The following PDE2A variants were observed in gnomAD, a reference collection of about 807,000 sequenced individuals.
PDE2A encodes the protein cGMP-dependent 3',5'-cyclic phosphodiesterase.
A neutral mutation model predicts 133.6 loss-of-function variants in PDE2A; 53 were observed. The observed-to-expected ratio is 0.40, with a 90% CI of 0.32 to 0.50. The LOEUF (loss-of-function observed/expected upper bound fraction) is 0.50. Ranked by LOEUF, PDE2A falls within the 20% of genes least tolerant of loss-of-function variation. PDE2A has a pLI of 0.73. For missense variants in PDE2A, 796 were observed against 1,232.4 expected, an observed-to-expected ratio of 0.65 and a Z score of 5.30; for synonymous variants, 491 against 490.2, an observed-to-expected ratio of 1.00 and a Z score of -0.02.
At chr11:72,589,867 C>T in intron 10 of PDE2A, 40 bp downstream of exon 10, 1 of 1,608,918 alleles carries the variant, frequency 6.2e-7, no homozygotes, top group Non-Finnish European at 8.5e-7. Context: ...AGTTCCTCGC[C>T]CAGCCCCGCC....
intron 1 of PDE2A, among the ~76,000 whole-genome samples, chr11:72,669,546 C>T (rs1222850746): frequency 6.6e-6 from 1 of 152,080 alleles, no homozygotes; most frequent in Non-Finnish European, 1.5e-5. Context: ...CCCAGGAGGA[C>T]GAGGGTGCTG....
chr11:72,626,734 C>G (rs1858097374), intron 2 of PDE2A, among the ~76,000 whole-genome samples: 1 of 152,228 alleles, frequency 6.6e-6, no homozygotes, highest in Non-Finnish European at 1.5e-5. Flanking sequence ...GCTCCCGCCC[C>G]TGCCTAGTGC....
chr11:72,632,270 T>A (rs1237853344), intron 2 of PDE2A, among the ~76,000 whole-genome samples: 1 of 152,128 alleles, frequency 6.6e-6, no homozygotes, highest in East Asian at 1.9e-4. Flanking sequence ...ACCTGGTGTG[T>A]GGAGGCTTGT....
Position 72,589,802 on chromosome 11 carries a change from G to C in PDE2A, c.832-10C>G, listed in dbSNP as rs1011241600. Reference sequence around the variant, plus strand: ...CTTTGTCTCCGATGACCTGAGGAACGGAGTGCAGGGGGCTGGTTAAAGGAA... The same window carrying C: ...CTTTGTCTCCGATGACCTGAGGAACCGAGTGCAGGGGGCTGGTTAAAGGAA... On this transcript the variant is annotated splice_polypyrimidine_tract_variant and intron_variant, in intron 10 of 30. Transcript: ENST00000334456. 2.5e-6 allele frequency: 4 copies of C among 1,613,422 alleles called. No homozygotes were observed. Among genetic ancestry groups the C allele is most frequent in the Non-Finnish European group, 8.5e-7 (1 of 1,179,772 alleles).
At chr11:72,656,457 T>A (rs1380145517) in intron 1 of PDE2A, among the ~76,000 whole-genome samples, 2 of 151,530 alleles carry the variant, frequency 1.3e-5, no homozygotes, top group Non-Finnish European at 2.9e-5. Context: ...GAGCACAGAG[T>A]CTGGGCTGGG....
At chr11:72,624,573 CCA>C (rs1435840783) in intron 2 of PDE2A, among the ~76,000 whole-genome samples, 1 of 152,210 alleles carries the variant, frequency 6.6e-6, no homozygotes, top group East Asian at 1.9e-4. Flanking sequence ...GACACTCGAG[CCA>C]CAGACTCAGG....
chr11:72,655,725 A>C (rs1276497349), intron 1 of PDE2A, among the ~76,000 whole-genome samples: 1 of 151,908 alleles, frequency 6.6e-6, no homozygotes, highest in African/African-American at 2.4e-5. Context: ...GCTCTGCAAC[A>C]ATACTTGCCA....
intron 1 of PDE2A, among the ~76,000 whole-genome samples, chr11:72,663,648 G>T (rs1434977521): frequency 6.7e-6 from 1 of 150,180 alleles, no homozygotes; most frequent in Non-Finnish European, 1.5e-5. Flanking sequence ...ACAATCACTT[G>T]AACCCAGGAG....
intron 1 of PDE2A, chr11:72,642,838 G>T (rs1456256203): frequency 2.0e-5 from 3 of 152,986 alleles, no homozygotes; most frequent in African/African-American, 7.2e-5. Flanking sequence ...GGGGAAGGGG[G>T]GCAGGGGCCG....
intron 1 of PDE2A, among the ~76,000 whole-genome samples, chr11:72,663,742 A>G (rs1855147041): frequency 2.7e-5 from 4 of 145,724 alleles, no homozygotes. Flanking sequence ...AAAAAAAAAA[A>G]GAAAGAAAAA....
intron 11 of PDE2A, 43 bp downstream of exon 11, chr11:72,589,708 C>T: frequency 6.3e-7 from 1 of 1,593,004 alleles, no homozygotes; most frequent in Non-Finnish European, 8.6e-7. Flanking sequence ...CCGGCCTCAA[C>T]CGCCCCTGCA....
rs1432761173 is a variant in PDE2A at position 72,578,564 on chromosome 11, C to T, written c.2470-50G>A. 2.7e-6 allele frequency: 4 copies of T among 1,490,784 alleles called. No homozygotes were observed. The highest frequency in any genetic ancestry group is 3.3e-5 in the Admixed American group (2 of 59,808). 92.3% of individuals were successfully genotyped at this position (1,490,784 alleles called of 1,614,324 possible). On this transcript the variant is annotated intron_variant, in intron 28 of 30. Transcript: ENST00000334456. The surrounding 1 kb of genome is among the most constrained non-coding windows in gnomAD (Gnocchi z 4.2). ...ATCCTCTATGTAGGATACATCCACCCAAGCTCCTCTGACAGCCCGTTCCCA... is the reference window on the plus strand; with the variant it reads ...ATCCTCTATGTAGGATACATCCACCTAAGCTCCTCTGACAGCCCGTTCCCA...
In PDE2A at chr11:72,590,154, A is replaced by G; in HGVS notation, c.756+38T>C. ...GGGAAGTTGGTCCCCGGAGGGAGAC[A>G]GGACGGGGAGGTGGCCGGCAGGGGC... On this transcript the variant is annotated intron_variant, in intron 9 of 30. Transcript: ENST00000334456. The surrounding 1 kb of genome is among the most constrained non-coding windows in gnomAD (Gnocchi z 4.8). 6.6e-7 allele frequency: 1 copy of G among 1,526,006 alleles called. No individual in the cohort carries two copies. Among genetic ancestry groups the G allele is most frequent in the Non-Finnish European group, 8.9e-7 (1 of 1,125,702 alleles). The allele number at this position is 1,526,006 out of a possible 1,614,324, so 94.5% of individuals were successfully genotyped here.
At chr11:72,603,046 G>C (rs1259719804) in intron 4 of PDE2A, among the ~76,000 whole-genome samples, 1 of 152,232 alleles carries the variant, frequency 6.6e-6, no homozygotes, top group Non-Finnish European at 1.5e-5. Flanking sequence ...GGTAGCAGCT[G>C]AGCCTGGCAA....
intron 4 of PDE2A, among the ~76,000 whole-genome samples, chr11:72,602,856 T>C (rs1856817851): frequency 6.6e-6 from 1 of 152,208 alleles, no homozygotes; most frequent in Admixed American, 6.5e-5. Context: ...TCCATACACC[T>C]GGGTCTCAAG....
intron 1 of PDE2A, among the ~76,000 whole-genome samples, chr11:72,651,194 T>C (rs747829235): frequency 2.0e-5 from 3 of 152,214 alleles, no homozygotes; most frequent in Non-Finnish European, 4.4e-5. Context: ...GTCTTGAGAA[T>C]GTAGAAGCCC....
chr11:72,581,833 G>A lies in PDE2A; in HGVS notation c.1922+44C>T, dbSNP rs142974840. ...GGGGGCAACGGATGTGACAGTAGAG[G>A]AAAGAGGGAGGCGAAGACTGGGGCT... On this transcript the variant is annotated intron_variant, in intron 22 of 30. Coordinates refer to ENST00000334456, the MANE Select transcript of PDE2A (RefSeq NM_002599.5). The A allele has an allele frequency of 2.3e-3, 3,595 of 1,569,644 alleles. 74 individuals are homozygous for A. The African/African-American group carries it at 0.043, about 19-fold the overall frequency.
At position 72,581,878 on chromosome 11, in the gene PDE2A, G is replaced by A. The variant is rs1448683527; in HGVS notation, c.1921C>T (p.Arg641Trp). The A allele has an allele frequency of 5.0e-6, 8 of 1,613,594 alleles. No individual in the cohort carries two copies. Among genetic ancestry groups the A allele is most frequent in the African/African-American group, 4.0e-5 (3 of 74,898 alleles). The change falls in exon 22 of 31, where the codon CGG (arginine) becomes TGG (tryptophan). Residue 641 changes from arginine to tryptophan, a missense_variant and splice_region_variant. This residue lies in a region of PDE2A where 218 missense variants were observed against 465.9 expected (regional missense o/e 0.47). Transcript: ENST00000334456. ...NYKIDCPTLA[R>W]FCLMVKKGYR... ...GGGGCTGTCTGTGGGCGCACGAACC[G>A]GGCCAGGGTCGGGCAGTCAATTTTG... is the stretch of plus-strand genomic sequence containing the variant.
In PDE2A at chr11:72,579,396, C is replaced by T; in HGVS notation, c.2257-13G>A. 1 of 1,608,980 alleles carries T rather than the reference C, an allele frequency of 6.2e-7. No homozygotes were observed. The highest frequency in any genetic ancestry group is 8.5e-7 in the Non-Finnish European group (1 of 1,175,976). On this transcript the variant is annotated splice_polypyrimidine_tract_variant and intron_variant, in intron 26 of 30. Transcript: ENST00000334456. Reference sequence around the variant, plus strand: ...TGCGCTGATAGTCCTGAGGCGAGGGCAGGGGTGTCATGCCCTCCTACTGGA... The same window carrying T: ...TGCGCTGATAGTCCTGAGGCGAGGGTAGGGGTGTCATGCCCTCCTACTGGA...
Sources: gnomAD v4.1 joint callset for allele counts (sites outside exome capture counted in the v4.1 genomes callset) on GRCh38, gnomAD v4.1.1 for gene constraint, gnomAD v4.1.1 regional missense constraint, Gnocchi (gnomAD v3.1) non-coding constraint, MANE v1.5 for transcripts, NCBI Gene and HGNC (gene_info 2026-07-23, HGNC 2026-07-21) for gene names.